The following TBC1D15 variants were observed in gnomAD, a reference collection of about 807,000 sequenced individuals.
The protein encoded by TBC1D15 is GAP for RAB7.
A neutral mutation model predicts 95.4 loss-of-function variants in TBC1D15; 39 were observed. The observed-to-expected ratio is 0.41, with a 90% CI of 0.32 to 0.53. TBC1D15 has a LOEUF of 0.53. Ranked by LOEUF, TBC1D15 falls within the 20% of genes least tolerant of loss-of-function variation. The probability of loss-of-function intolerance (pLI) is 0.29; values close to 1 mark genes in which losing one functional copy is unlikely to be tolerated. For synonymous variants in TBC1D15, 258 were observed against 261.3 expected (o/e 0.99, Z 0.12); for missense variants, 733 against 794.3 (o/e 0.92, Z 0.93).
At chr12:71,871,831 T>G (rs916259720) in intron 1 of TBC1D15, among the ~76,000 whole-genome samples, 3 of 152,268 alleles carry the variant, frequency 2.0e-5, no homozygotes, top group Admixed American at 2.0e-4. Flanking sequence ...AGATCAAGAT[T>G]GTGATTATCA....
rs565396010 is a variant in TBC1D15, at chr12:71,883,767, T to C, written c.344-1044T>C. 4.9e-4 allele frequency among the ~76,000 whole-genome samples: 75 copies of C among 152,264 alleles called. 1 individual carries two copies. The highest frequency in any genetic ancestry group is 3.5e-4 in the Non-Finnish European group (24 of 67,956). On this transcript the variant is annotated intron_variant, in intron 4 of 16. Coordinates refer to ENST00000485960, the MANE Select transcript of TBC1D15 (RefSeq NM_001146213.3). ...GAAATAACATTTTAGGAAAGGTTTT[T>C]TAAAATTTCAGAGACACGACTTGCT...
At chr12:71,922,092 G>C in intron 16 of TBC1D15, among the ~76,000 whole-genome samples, 1 of 151,904 alleles carries the variant, frequency 6.6e-6, no homozygotes, top group East Asian at 1.9e-4. Context: ...TCATGACTTT[G>C]CTTTTTTTTT....
rs138621844 is a variant in TBC1D15 at position 71,872,934 on chromosome 12, C to T, written c.135C>T (p.Ala45=). The T allele has an allele frequency of 8.5e-4, 1,365 of 1,600,238 alleles. 1 individual carries two copies. Among genetic ancestry groups the T allele is most frequent in the Non-Finnish European group, 1.0e-3 (1,204 of 1,173,862 alleles). Residue 45 remains alanine (A), a synonymous_variant, in exon 3 of 17, where the codon GCC becomes GCT. Coordinates refer to ENST00000485960, the MANE Select transcript of TBC1D15 (RefSeq NM_001146213.3). The part of the protein sequence containing the change: ...SGILRVLEKD[A]EVIVDWRPLD... Reference sequence around the variant, plus strand: ...TTCATAATTTCTTTCTCTAGGATGCCGAAGTAATAGTGGACTGGAGACCAT... The same window carrying T: ...TTCATAATTTCTTTCTCTAGGATGCTGAAGTAATAGTGGACTGGAGACCAT...
At chr12:71,898,040 T>C in intron 10 of TBC1D15, 99 bp downstream of exon 10, 1 of 830,652 alleles carries the variant, frequency 1.2e-6, no homozygotes, top group Non-Finnish European at 2.0e-6. Context: ...GCACTAGGGC[T>C]CAAAAGAGAA....
chr12:71,863,447 C>G (rs564377992), intron 1 of TBC1D15, among the ~76,000 whole-genome samples: 1 of 152,138 alleles, frequency 6.6e-6, no homozygotes, highest in Non-Finnish European at 1.5e-5. Flanking sequence ...TGTGACTTGA[C>G]GTTTTTTTCC....
At chr12:71,843,048 G>T (rs1269669885) in intron 1 of TBC1D15, among the ~76,000 whole-genome samples, 2 of 152,032 alleles carry the variant, frequency 1.3e-5, no homozygotes, top group Non-Finnish European at 2.9e-5. Flanking sequence ...ACTTTGGGAG[G>T]CTGAGGTGGG....
chr12:71,887,818 G>A (rs1174355671), intron 5 of TBC1D15, among the ~76,000 whole-genome samples: 1 of 152,212 alleles, frequency 6.6e-6, no homozygotes, highest in East Asian at 1.9e-4. Flanking sequence ...GATAGGGATT[G>A]TATCTGTCTT....
In TBC1D15 at chr12:71,920,858, C is replaced by T; in HGVS notation, c.1716+11C>T. ...AATGAAATACTTAAGGTAGTTATTC[C>T]TTTAATTCAGATTTTAGTGTTCTGG... On this transcript the variant is annotated intron_variant, in intron 15 of 16. Transcript: ENST00000485960. 6.3e-7 allele frequency: 1 copy of T among 1,581,748 alleles called. No individual in the cohort carries two copies. The highest frequency in any genetic ancestry group is 1.7e-5 in the Admixed American group (1 of 58,104).
Position 71,907,055 on chromosome 12 carries a change from A to G in TBC1D15, c.1217A>G (p.Lys406Arg). ...KDVNRTDRTN[K>R]FYEGQDNPGL... is the part of the protein sequence containing the mutation. ...GTTAACAGAACAGATCGAACAAACA[A>G]GTTTTATGAAGGCCAAGATAATCCA... The change falls in exon 11 of 17, where the codon AAG (lysine) becomes AGG (arginine). Residue 406 changes from lysine to arginine, a missense_variant. Coordinates refer to ENST00000485960, the MANE Select transcript of TBC1D15 (RefSeq NM_001146213.3). 8 of 1,611,710 alleles carry G rather than the reference A, an allele frequency of 5.0e-6. No homozygotes were observed. The highest frequency in any genetic ancestry group is 6.8e-6 in the Non-Finnish European group (8 of 1,178,856).
In TBC1D15 at chr12:71,885,032, T is replaced by C. The variant is rs755238663; in HGVS notation, c.554+11T>C. On this transcript the variant is annotated intron_variant, in intron 5 of 16. Transcript: ENST00000485960. ...TGTGGTATTGTGTGAGTAAGTATCA[T>C]ATTATTTTCTACTTATTGAAACCAG... is the stretch of plus-strand genomic sequence containing the variant. The C allele has an allele frequency of 3.1e-6, 5 of 1,610,660 alleles. No individual in the cohort carries two copies. Among genetic ancestry groups the C allele is most frequent in the Non-Finnish European group, 3.4e-6 (4 of 1,177,818 alleles).
chr12:71,923,145 A>C lies in TBC1D15; in HGVS notation c.1966A>C (p.Asn656His), dbSNP rs1300559646. Residue 656 changes from asparagine to histidine, a missense_variant, in exon 17 of 17, where the codon AAT becomes CAT. By Grantham distance (68) the Asn-to-His change is moderately conservative. Coordinates refer to ENST00000485960, the MANE Select transcript of TBC1D15 (RefSeq NM_001146213.3). ...TACACTCTCTGCCAGTGGAGCCAGA[A>C]ATGACAGCCCAACACAGATACCAGT... ...LPTLSASGARNDSPTQIPVSS... is the reference protein window; with the variant it reads ...LPTLSASGARHDSPTQIPVSS... The C allele has an allele frequency of 1.9e-6, 3 of 1,614,116 alleles. No homozygotes were observed. The highest frequency in any genetic ancestry group is 2.5e-6 in the Non-Finnish European group (3 of 1,180,046).
intron 12 of TBC1D15, 93 bp downstream of exon 12, chr12:71,914,019 A>T (rs937542215): frequency 1.1e-6 from 1 of 912,342 alleles, no homozygotes; most frequent in Admixed American, 3.2e-5. Flanking sequence ...TTAGCCAACT[A>T]TGATGGAACT....
At chr12:71,850,611 G>A (rs979395886) in intron 1 of TBC1D15, among the ~76,000 whole-genome samples, 5 of 151,792 alleles carry the variant, frequency 3.3e-5, no homozygotes, top group African/African-American at 1.2e-4. Flanking sequence ...GGGTCTAGCT[G>A]TGTTGCCGAG....
At chr12:71,876,621 T>A (rs576520697) in intron 3 of TBC1D15, among the ~76,000 whole-genome samples, 1 of 152,302 alleles carries the variant, frequency 6.6e-6, no homozygotes, top group South Asian at 2.1e-4. Flanking sequence ...TTTTGATTTA[T>A]TCCTTGTTTT....
intron 1 of TBC1D15, among the ~76,000 whole-genome samples, chr12:71,859,607 A>G (rs1889927494): frequency 6.8e-6 from 1 of 147,454 alleles, no homozygotes; most frequent in African/African-American, 2.7e-5. Context: ...TTTAAGCTTC[A>G]ATCCTTTTTG....
chr12:71,883,784 C>T (rs1280499517), intron 4 of TBC1D15, among the ~76,000 whole-genome samples: 2 of 152,024 alleles, frequency 1.3e-5, no homozygotes, highest in African/African-American at 2.4e-5. Context: ...TTCAGAGACA[C>T]GACTTGCTTA....
chr12:71,843,503 T>C (rs936752782), intron 1 of TBC1D15, among the ~76,000 whole-genome samples: 2 of 152,166 alleles, frequency 1.3e-5, no homozygotes, highest in Admixed American at 1.3e-4. Context: ...TCTTTTAACA[T>C]GGTAGTTAAC....
At position 71,880,611 on chromosome 12, in the gene TBC1D15, T is replaced by A. The variant is rs765328129; in HGVS notation, c.343+4T>A. 3.8e-6 allele frequency: 6 copies of A among 1,598,806 alleles called. No homozygotes were observed. The highest frequency in any genetic ancestry group is 4.3e-6 in the Non-Finnish European group (5 of 1,174,676). On this transcript the variant is annotated splice_donor_region_variant and intron_variant, in intron 4 of 16. Transcript: ENST00000485960. Reference sequence around the variant, plus strand: ...AGGAAACCACATACCAATGGAGGTATGAATTAAATCTTTTGAAATCTTAAA... The same window carrying A: ...AGGAAACCACATACCAATGGAGGTAAGAATTAAATCTTTTGAAATCTTAAA...
chr12:71,897,979 GA>G lies in TBC1D15; in HGVS notation c.1183+39del, dbSNP rs376219709. 542 of 1,433,230 alleles carry G rather than the reference GA, an allele frequency of 3.8e-4. 2 individuals are homozygous for G. In the African/African-American group the frequency reaches 6.6e-3, roughly 18 times the overall value. 88.8% of individuals were successfully genotyped at this position (1,433,230 alleles called of 1,614,324 possible). ...TAACAACTTTGGAAATGCAAGGGGG[GA>G]TTACATTGAAATCTTGATAAGAGTA... is the stretch of plus-strand genomic sequence containing the variant. On this transcript the variant is annotated intron_variant, in intron 10 of 16. Transcript: ENST00000485960.
Sources: allele counts gnomAD v4.1 joint callset (sites outside exome capture counted in the v4.1 genomes callset), GRCh38; gene constraint gnomAD v4.1.1; transcripts MANE v1.5; gene names NCBI Gene and HGNC (gene_info 2026-07-23, HGNC 2026-07-21).